The following CPA6 variants were observed in gnomAD, a reference collection of about 807,000 sequenced individuals.
CPA6 encodes carboxypeptidase A6, also known as carboxypeptidase B.
A neutral mutation model predicts 63.3 loss-of-function variants in CPA6; 58 were observed. The observed-to-expected ratio is 0.92, with a 90% confidence interval of 0.74 to 1.14. The LOEUF (loss-of-function observed/expected upper bound fraction) is 1.14. Ranked by LOEUF, CPA6 falls within the 50% of genes most tolerant of loss-of-function variation. CPA6 has a pLI of 0.00. For missense variants in CPA6, 565 were observed against 526.6 expected (o/e 1.07, Z -0.71); for synonymous variants, 185 against 179.0 (o/e 1.03, Z -0.27).
chr8:67,455,663 CAAAAAA>C (rs552041509), intron 8 of CPA6, among the ~76,000 whole-genome samples: 4 of 30,250 alleles, frequency 1.3e-4, no homozygotes, highest in African/African-American at 3.1e-4. Context: ...TCTACAAAAG[CAAAAAA>C]AAAAAAAAAA....
intron 1 of CPA6, among the ~76,000 whole-genome samples, chr8:67,662,567 GAATA>G (rs1563382446): frequency 2.6e-5 from 3 of 114,692 alleles, no homozygotes; most frequent in African/African-American, 4.3e-5. Context: ...TGTATATATA[GAATA>G]CATACACATG....
chr8:67,531,319 G>A, intron 2 of CPA6, among the ~76,000 whole-genome samples: 1 of 152,184 alleles, frequency 6.6e-6, no homozygotes, highest in South Asian at 2.1e-4. Flanking sequence ...CATTATCTAG[G>A]TAAAATAACA....
chr8:67,614,496 C>T (rs747180551), intron 2 of CPA6, among the ~76,000 whole-genome samples: 1 of 152,066 alleles, frequency 6.6e-6, no homozygotes, highest in Non-Finnish European at 1.5e-5. Flanking sequence ...CACAAGTAGC[C>T]CCCTTGAGAC....
chr8:67,461,206 C>T (rs1251429598), intron 8 of CPA6, among the ~76,000 whole-genome samples: 3 of 142,196 alleles, frequency 2.1e-5, no homozygotes, highest in Non-Finnish European at 4.6e-5. Context: ...GAGGACCCTG[C>T]GGCCTTCCGC....
intron 2 of CPA6, among the ~76,000 whole-genome samples, chr8:67,527,080 T>C (rs1375196930): frequency 6.6e-6 from 1 of 152,204 alleles, no homozygotes; most frequent in Non-Finnish European, 1.5e-5. Context: ...CATTAAGAAG[T>C]ACATTGGAAG....
chr8:67,447,520 CA>C (rs1810454819), intron 8 of CPA6, among the ~76,000 whole-genome samples: 1 of 145,840 alleles, frequency 6.9e-6, no homozygotes, highest in African/African-American at 2.8e-5. Context: ...CACACACACA[CA>C]CACACACACA....
chr8:67,720,363 A>G (rs1465205776), intron 1 of CPA6, among the ~76,000 whole-genome samples: 4 of 152,204 alleles, frequency 2.6e-5, no homozygotes, highest in Non-Finnish European at 5.9e-5. Context: ...CTGGGCGGAT[A>G]TGTGCAAGTC....
At chr8:67,666,735 C>G in intron 1 of CPA6, among the ~76,000 whole-genome samples, 1 of 152,068 alleles carries the variant, frequency 6.6e-6, no homozygotes. Flanking sequence ...ATGTCCCTCA[C>G]TGAAGAATGC....
At position 67,429,290 on chromosome 8, in the gene CPA6, A is replaced by C. The variant is rs571624179; in HGVS notation, c.1042-1159T>G. ...TAGAATGATACTCACTATCCTTTAA[A>C]TATGGTATAAAAACACTGGTTTCAA... On this transcript the variant is annotated intron_variant, in intron 9 of 10. Coordinates refer to ENST00000297770, the MANE Select transcript of CPA6 (RefSeq NM_020361.5). Among the ~76,000 whole-genome samples the C allele has an allele frequency of 2.6e-5, 4 of 152,376 alleles. No individual in the cohort carries two copies. The South Asian group carries it at 6.2e-4, about 24-fold the overall frequency.
intron 8 of CPA6, among the ~76,000 whole-genome samples, chr8:67,478,226 G>A (rs1286565214): frequency 6.6e-6 from 1 of 152,198 alleles, no homozygotes; most frequent in Non-Finnish European, 1.5e-5. Flanking sequence ...CTGGACACAT[G>A]GAGGTTCATG....
chr8:67,670,846 G>T (rs896470136), intron 1 of CPA6, among the ~76,000 whole-genome samples: 1 of 152,132 alleles, frequency 6.6e-6, no homozygotes, highest in Admixed American at 6.5e-5. Flanking sequence ...GGAAGGGGAA[G>T]TTGCAAGAAA....
At chr8:67,735,670 T>C (rs1290805083) in intron 1 of CPA6, 1 of 119,620 alleles carries the variant, frequency 8.4e-6, no homozygotes, top group Non-Finnish European at 1.8e-5. Flanking sequence ...TACAAATTAG[T>C]GGCAGTCTTT....
intron 10 of CPA6, among the ~76,000 whole-genome samples, chr8:67,424,379 G>A (rs1222543961): frequency 6.6e-6 from 1 of 152,106 alleles, no homozygotes; most frequent in Non-Finnish European, 1.5e-5. Context: ...GGGGACTGCT[G>A]CTGTAGATGA....
intron 8 of CPA6, among the ~76,000 whole-genome samples, chr8:67,454,981 T>C (rs1810638246): frequency 6.6e-6 from 1 of 151,950 alleles, no homozygotes; most frequent in Admixed American, 6.6e-5. Context: ...GCAGGGAAGA[T>C]TAGGAGCCCT....
chr8:67,553,390 T>C (rs973601016), intron 2 of CPA6, among the ~76,000 whole-genome samples: 7 of 152,186 alleles, frequency 4.6e-5, no homozygotes, highest in African/African-American at 1.4e-4. Flanking sequence ...GAAAAACAGA[T>C]AAACAATTTT....
chr8:67,567,966 A>T (rs1813383356), intron 2 of CPA6, among the ~76,000 whole-genome samples: 1 of 152,128 alleles, frequency 6.6e-6, no homozygotes. Context: ...GCCCACAGAG[A>T]TCAGCACACA....
At chr8:67,510,229 A>G (rs548415406) in intron 4 of CPA6, among the ~76,000 whole-genome samples, 1 of 152,338 alleles carries the variant, frequency 6.6e-6, no homozygotes, top group South Asian at 2.1e-4. Context: ...CATTTGAATG[A>G]ATAAGGTACT....
chr8:67,449,929 C>T (rs767344417), intron 8 of CPA6, among the ~76,000 whole-genome samples: 18 of 151,280 alleles, frequency 1.2e-4, no homozygotes, highest in Admixed American at 2.6e-4. Flanking sequence ...GATTCTCATG[C>T]CTCAGTCTCC....
rs186670462 is a variant in CPA6 at position 67,718,835 on chromosome 8, C to T, written c.116+27179G>A. ...CTAATTTTTGTATTTTTAGTAGAGACGGGGTTTCACCATGTTGGCTAGGAT... is the reference window on the plus strand; with the variant it reads ...CTAATTTTTGTATTTTTAGTAGAGATGGGGTTTCACCATGTTGGCTAGGAT... On this transcript the variant is annotated intron_variant, in intron 1 of 10. Transcript: ENST00000297770. 4.5e-4 allele frequency among the ~76,000 whole-genome samples: 68 copies of T among 152,042 alleles called. 1 individual carries two copies. Among genetic ancestry groups the T allele is most frequent in the Middle Eastern group, 6.8e-3 (2 of 294 alleles).
Sources: gnomAD v4.1 joint callset for allele counts (sites outside exome capture counted in the v4.1 genomes callset) on GRCh38, gnomAD v4.1.1 for gene constraint, MANE v1.5 for transcripts, NCBI Gene and HGNC (gene_info 2026-07-23, HGNC 2026-07-21) for gene names.